Variants in POLQ observed in about 807,000 individuals in gnomAD.
POLQ encodes epididymis secretory sperm binding protein.
Under a neutral mutation model 259.2 loss-of-function variants are expected in POLQ, and 233 were observed. The observed-to-expected ratio is 0.90, with a 90% confidence interval of 0.81 to 1.00. The LOEUF (loss-of-function observed/expected upper bound fraction) is 1.00, where lower values mean the gene tolerates loss of function less well. Ranked by LOEUF, POLQ falls within the 50% of genes least tolerant of loss-of-function variation. The pLI is 0.00. For missense variants in POLQ, 2,871 were observed against 3,051.6 expected, an observed-to-expected ratio of 0.94 and a Z score of 1.39; for synonymous variants, 1,025 against 1,048.8, an observed-to-expected ratio of 0.98 and a Z score of 0.44.
At chr3:121,471,231 T>G (rs531667598) in intron 22 of POLQ, among the ~76,000 whole-genome samples, 47 of 152,224 alleles carry the variant, frequency 3.1e-4, no homozygotes, top group African/African-American at 1.1e-3. Context: ...ACCAAAGGAC[T>G]CTACAGCTTT....
chr3:121,490,612 G>A (rs1350752915), intron 15 of POLQ, among the ~76,000 whole-genome samples: 1 of 152,170 alleles, frequency 6.6e-6, no homozygotes, highest in Non-Finnish European at 1.5e-5. Context: ...ATATTACCTG[G>A]TGATAAGAGT....
Position 121,529,771 on chromosome 3 carries a change from TAAC to T in POLQ, c.979_981del (p.Val327del). The T allele has an allele frequency of 6.2e-7, 1 of 1,611,732 alleles. No individual in the cohort carries two copies. Among genetic ancestry groups the T allele is most frequent in the Non-Finnish European group, 8.5e-7 (1 of 1,178,828 alleles). On this transcript the variant is annotated inframe_deletion, in exon 7 of 30. Transcript: ENST00000264233. ...TCACAAATCGTCTCATAACATAAAC[TAAC>T]AACATGGTCCTCATCTCCCTAAAAC...
At chr3:121,483,294 G>GC (rs2047984651) in intron 18 of POLQ, 92 bp downstream of exon 18, 1 of 627,698 alleles carries the variant, frequency 1.6e-6, no homozygotes, top group Non-Finnish European at 2.6e-6. Context: ...CTTTTAAGCT[G>GC]CATTATTGAT....
intron 14 of POLQ, chr3:121,494,415 G>C: frequency 1.3e-6 from 2 of 1,556,730 alleles, no homozygotes; most frequent in Non-Finnish European, 1.8e-6. Context: ...CACAAGTACA[G>C]ACCAGAGTCA....
intron 8 of POLQ, among the ~76,000 whole-genome samples, chr3:121,520,290 G>C (rs886941372): frequency 2.0e-5 from 3 of 152,150 alleles, no homozygotes; most frequent in South Asian, 4.2e-4. Flanking sequence ...AATCCCAGCA[G>C]TGTGGGAGGC....
intron 19 of POLQ, among the ~76,000 whole-genome samples, chr3:121,478,409 A>G (rs1436414789): frequency 6.6e-6 from 1 of 152,164 alleles, no homozygotes; most frequent in Admixed American, 6.5e-5. Context: ...TAGATCCCCA[A>G]AACTGCAGAT....
intron 9 of POLQ, among the ~76,000 whole-genome samples, chr3:121,518,171 T>C (rs1335679722): frequency 1.3e-5 from 2 of 152,230 alleles, no homozygotes; most frequent in African/African-American, 4.8e-5. Flanking sequence ...TTAATGTATA[T>C]AGTTGTTTAC....
chr3:121,486,272 C>T (rs763912791), intron 16 of POLQ, among the ~76,000 whole-genome samples: 1 of 152,208 alleles, frequency 6.6e-6, no homozygotes, highest in South Asian at 2.1e-4. Context: ...TTTATGAGGC[C>T]GGGCATGGTG....
At chr3:121,433,588 G>C (rs946607824) in intron 28 of POLQ, among the ~76,000 whole-genome samples, 1 of 152,122 alleles carries the variant, frequency 6.6e-6, no homozygotes, top group African/African-American at 2.4e-5. Flanking sequence ...ACCCCTTGCA[G>C]TTATATGTAA....
intron 6 of POLQ, among the ~76,000 whole-genome samples, chr3:121,532,052 G>A (rs2048415183): frequency 6.6e-6 from 1 of 152,232 alleles, no homozygotes; most frequent in South Asian, 2.1e-4. Flanking sequence ...CAGGATTAAA[G>A]TGTATTTGGG....
At chr3:121,518,448 A>G (rs949661579) in intron 9 of POLQ, among the ~76,000 whole-genome samples, 1 of 152,250 alleles carries the variant, frequency 6.6e-6, no homozygotes, top group African/African-American at 2.4e-5. Context: ...GTTCAACCAC[A>G]GCAGGGAAAG....
rs146402627 is a variant in POLQ at position 121,481,635 on chromosome 3, A to T, written c.6148T>A (p.Ser2050Thr). Residue 2050 changes from serine (S) to threonine (T), a missense_variant, in exon 19 of 30, where the codon TCC (serine) becomes ACC (threonine). This residue lies in a region of POLQ where 2,080 missense variants were observed against 2,126.0 expected (regional missense o/e 0.98). Transcript: ENST00000264233. ...HSGRYRASVE[S>T]ILIFNSMNQL... ...TTCATAGAGTTGAAGATGAGAATGGACTCCACAGATGCTCTGTATCGCCCA... is the reference window on the plus strand; with the variant it reads ...TTCATAGAGTTGAAGATGAGAATGGTCTCCACAGATGCTCTGTATCGCCCA... 1.2e-5 allele frequency: 20 copies of T among 1,613,792 alleles called. No individual in the cohort carries two copies. The African/African-American group carries it at 2.5e-4, about 20-fold the overall frequency.
rs779569823 is a variant in POLQ, at chr3:121,433,005, C to A, written c.7572G>T (p.Gly2524=). 4.3e-6 allele frequency: 7 copies of A among 1,611,240 alleles called. No homozygotes were observed. In the Admixed American group the frequency reaches 1.0e-4, roughly 23 times the overall value. Residue 2524 remains glycine, a synonymous_variant, in exon 29 of 30, where the codon GGG becomes GGT. Coordinates refer to ENST00000264233, the MANE Select transcript of POLQ (RefSeq NM_199420.4). ...AGCCTCCTCTGATTGGGCAGAACATCCCTTGCAGTTTTCTCTTTCGTGACA... is the reference window on the plus strand; with the variant it reads ...AGCCTCCTCTGATTGGGCAGAACATACCTTGCAGTTTTCTCTTTCGTGACA... ...TGLSRKRKLQ[G]MFCPIRGGFF... is the part of the protein sequence containing the mutation.
chr3:121,523,343 C>G (rs914183818), intron 7 of POLQ, among the ~76,000 whole-genome samples: 2 of 152,152 alleles, frequency 1.3e-5, no homozygotes, highest in Admixed American at 6.5e-5. Context: ...GCAGTAAAAG[C>G]TTTACATACT....
chr3:121,450,507 T>A (rs1051383259), intron 25 of POLQ, among the ~76,000 whole-genome samples: 2 of 149,652 alleles, frequency 1.3e-5, no homozygotes, highest in African/African-American at 5.0e-5. Context: ...CTCCTAATGC[T>A]ATCCCTCCCC....
At chr3:121,526,659 T>A (rs2048375252) in intron 7 of POLQ, among the ~76,000 whole-genome samples, 1 of 152,208 alleles carries the variant, frequency 6.6e-6, no homozygotes, top group South Asian at 2.1e-4. Flanking sequence ...TTCAAATTCA[T>A]ACAAATCACC....
chr3:121,524,077 C>T (rs1391255800), intron 7 of POLQ, among the ~76,000 whole-genome samples: 1 of 152,178 alleles, frequency 6.6e-6, no homozygotes, highest in Non-Finnish European at 1.5e-5. Flanking sequence ...ATAGACCAGG[C>T]TCCAGTCCAA....
At chr3:121,530,934 C>T (rs2048406876) in intron 6 of POLQ, among the ~76,000 whole-genome samples, 1 of 152,160 alleles carries the variant, frequency 6.6e-6, no homozygotes, top group African/African-American at 2.4e-5. Context: ...CGCAGTGGCT[C>T]ACTCCTGTAA....
rs139776588 is a variant in POLQ at position 121,544,868 on chromosome 3, T to C, written c.202A>G (p.Lys68Glu). The C allele has an allele frequency of 1.5e-5, 24 of 1,611,460 alleles. No individual in the cohort carries two copies. In the African/African-American group the frequency reaches 2.3e-4, roughly 15 times the overall value. Residue 68 changes from lysine to glutamate, a missense_variant, in exon 2 of 30, where the codon AAG (lysine) becomes GAG (glutamate). Lys to Glu is a moderately conservative substitution (Grantham distance 56, BLOSUM62 1). Around this residue, in one of 3 missense-constraint regions of POLQ, gnomAD observed 783 missense variants for 906.2 expected, o/e 0.86. Coordinates refer to ENST00000264233, the MANE Select transcript of POLQ (RefSeq NM_199420.4). Reference protein sequence around the residue: ...KPTVPDYERDKLLLANWGLPK... With the variant: ...KPTVPDYERDELLLANWGLPK... ...AGTCCCCAGTTTGCCAATAGTAGCT[T>C]GTCTCTTTCGTAGTCAGGAACTGTA... is the stretch of plus-strand genomic sequence containing the variant.
Sources: allele counts gnomAD v4.1 joint callset (sites outside exome capture counted in the v4.1 genomes callset), GRCh38; gene constraint gnomAD v4.1.1; regional missense constraint gnomAD v4.1.1; transcripts MANE v1.5; gene names NCBI Gene and HGNC (gene_info 2026-07-23, HGNC 2026-07-21).